The following COG7 variants were observed in gnomAD, a reference collection of about 807,000 sequenced individuals.
The protein encoded by COG7 is component of oligomeric golgi complex 7.
A neutral mutation model predicts 91.5 loss-of-function variants in COG7; 49 were observed. The observed-to-expected ratio is 0.54, with a 90% CI of 0.43 to 0.68. The LOEUF (loss-of-function observed/expected upper bound fraction) is 0.68, where lower values mean the gene tolerates loss of function less well. Ranked by LOEUF, COG7 falls within the 30% of genes least tolerant of loss-of-function variation. COG7 has a pLI of 0.00. For synonymous variants in COG7, 365 were observed against 388.7 expected, an observed-to-expected ratio of 0.94 and a Z score of 0.72; for missense variants, 895 against 961.3, an observed-to-expected ratio of 0.93 and a Z score of 0.91.
chr16:23,450,271 C>A (rs1964245725), intron 1 of COG7, among the ~76,000 whole-genome samples: 1 of 152,068 alleles, frequency 6.6e-6, no homozygotes, highest in African/African-American at 2.4e-5. Context: ...GTCCTTTCCT[C>A]TTTGCCCTAC....
At chr16:23,410,730 A>G (rs1449703925) in intron 10 of COG7, among the ~76,000 whole-genome samples, 1 of 152,062 alleles carries the variant, frequency 6.6e-6, no homozygotes, top group African/African-American at 2.4e-5. Flanking sequence ...TTTTGCAACT[A>G]AGTCTCGCTC....
Position 23,403,679 on chromosome 16 carries a change from C to A in COG7, c.1803+15G>T. 3.7e-6 allele frequency: 6 copies of A among 1,613,790 alleles called. No homozygotes were observed. The highest frequency in any genetic ancestry group is 3.3e-5 in the South Asian group (3 of 91,002). On this transcript the variant is annotated intron_variant, in intron 13 of 16. Transcript: ENST00000307149. ...AGGACCCGGGAAAAATTGATGTGGT[C>A]AGTGAGAAACTCACGTCCATCTTCG...
In COG7 at chr16:23,452,834, G is replaced by A. The variant is rs1964287835; in HGVS notation, c.161C>T (p.Ala54Val). Residue 54 changes from alanine (A) to valine (V), a missense_variant, in exon 1 of 17, where the codon GCC becomes GTC. Coordinates refer to ENST00000307149, the MANE Select transcript of COG7 (RefSeq NM_153603.4). ...LQLFIQEVNH[A>V]VEETSHQALQ... ...GGCCCCGAGCGGCTCACCCTCCACG[G>A]CGTGGTTCACCTCTTGGATGAACAG... 6.2e-7 allele frequency: 1 copy of A among 1,612,538 alleles called. No homozygotes were observed. Among genetic ancestry groups the A allele is most frequent in the East Asian group, 2.2e-5 (1 of 44,818 alleles).
Position 23,418,711 on chromosome 16 carries a change from C to G in COG7, c.1126G>C (p.Ala376Pro), listed in dbSNP as rs771031254. 6.2e-7 allele frequency: 1 copy of G among 1,613,704 alleles called. No homozygotes were observed. The highest frequency in any genetic ancestry group is 1.1e-5 in the South Asian group (1 of 91,060). Residue 376 changes from alanine (A) to proline (P), a missense_variant, in exon 8 of 17, where the codon GCT becomes CCT. Physicochemically the swap from Ala to Pro is conservative, Grantham distance 27. Transcript: ENST00000307149. ...EESNLLIQMS[A>P]VPLEHGEVID... is the part of the protein sequence containing the mutation. ...CACTGCGACTTTACCAGAGGCACAGCACTCATCTGGATGAGGAGGTTGCTC... is the reference window on the plus strand; with the variant it reads ...CACTGCGACTTTACCAGAGGCACAGGACTCATCTGGATGAGGAGGTTGCTC...
At chr16:23,413,307 T>G in intron 10 of COG7, 141 bp downstream of exon 10, 1 of 722,326 alleles carries the variant, frequency 1.4e-6, no homozygotes, top group Middle Eastern at 2.7e-4. Context: ...GTTTAGAGTC[T>G]GGAGTATTTG....
At chr16:23,445,251 C>A in intron 2 of COG7, 87 bp from the exon 3 acceptor site, 2 of 929,638 alleles carry the variant, frequency 2.2e-6, no homozygotes, top group South Asian at 2.6e-5. Context: ...AGTATGGTGG[C>A]TTGCTTCTGT....
chr16:23,410,273 G>A (rs1192849805), intron 11 of COG7, 22 bp downstream of exon 11: 3 of 1,609,504 alleles, frequency 1.9e-6, no homozygotes, highest in African/African-American at 2.7e-5. Context: ...GGGTGTAGAG[G>A]ACAATGACTC....
intron 3 of COG7, 107 bp from the exon 4 acceptor site, chr16:23,442,752 G>A: frequency 9.9e-7 from 1 of 1,011,344 alleles, no homozygotes; most frequent in South Asian, 1.3e-5. Context: ...TGAAAATGGG[G>A]CTGGGCATCG....
chr16:23,438,678 G>GA (rs905234085), intron 4 of COG7, among the ~76,000 whole-genome samples: 38 of 151,848 alleles, frequency 2.5e-4, no homozygotes, highest in African/African-American at 8.0e-4. Context: ...TTAGAGGAAT[G>GA]AAAATCAAAA....
chr16:23,447,463 A>AGCCTC (rs1238851482), intron 1 of COG7, among the ~76,000 whole-genome samples: 3 of 151,700 alleles, frequency 2.0e-5, no homozygotes, highest in African/African-American at 7.3e-5. Context: ...CACCCACCTC[A>AGCCTC]GCCTCCCAAA....
At chr16:23,417,393 C>A in intron 8 of COG7, 1 of 486,198 alleles carries the variant, frequency 2.1e-6, no homozygotes, top group Non-Finnish European at 3.8e-6. Context: ...TCCTCTTTTT[C>A]TGTGATTATT....
At chr16:23,444,179 G>T (rs1288529745) in intron 3 of COG7, among the ~76,000 whole-genome samples, 1 of 151,756 alleles carries the variant, frequency 6.6e-6, no homozygotes, top group Non-Finnish European at 1.5e-5. Flanking sequence ...ACTAAGGTGG[G>T]GGTCAGGGTT....
chr16:23,422,179 G>T (rs1963769028), intron 7 of COG7, among the ~76,000 whole-genome samples: 1 of 152,024 alleles, frequency 6.6e-6, no homozygotes, highest in Admixed American at 6.6e-5. Flanking sequence ...AGCCTTGGTG[G>T]CATGTGCCCG....
intron 13 of COG7, among the ~76,000 whole-genome samples, chr16:23,398,924 T>C (rs2142062481): frequency 6.6e-6 from 1 of 152,348 alleles, no homozygotes; most frequent in Admixed American, 6.5e-5. Context: ...GTAAAGGACC[T>C]GTGCACATGT....
At chr16:23,448,002 T>A (rs1433516072) in intron 1 of COG7, among the ~76,000 whole-genome samples, 1 of 152,152 alleles carries the variant, frequency 6.6e-6, no homozygotes, top group Non-Finnish European at 1.5e-5. Context: ...AACAGTGTAT[T>A]TTTAGAACCT....
At chr16:23,442,678 T>G in intron 3 of COG7, 33 bp from the exon 4 acceptor site, 3 of 1,576,784 alleles carry the variant, frequency 1.9e-6, no homozygotes, top group Non-Finnish European at 2.6e-6. Context: ...ATATTTATTT[T>G]AAATGATCCC....
Position 23,442,607 on chromosome 16 carries a change from C to T in COG7, c.474G>A (p.Gln158=). 6.2e-7 allele frequency: 1 copy of T among 1,614,084 alleles called. No homozygotes were observed. The highest frequency in any genetic ancestry group is 8.5e-7 in the Non-Finnish European group (1 of 1,179,930). The change falls in exon 4 of 17, where the codon CAG becomes CAA. Residue 158 remains glutamine (Q), a synonymous_variant. Coordinates refer to ENST00000307149, the MANE Select transcript of COG7 (RefSeq NM_153603.4). ...TATCAACAAGCATCATTAAGCTGTT[C>T]TGCATACCTGTTAGCTTGGCAGAAA... ...AVISAKLTGM[Q]NSLMMLVDTP... is the part of the protein sequence containing the mutation.
At chr16:23,447,992 A>G (rs774026939) in intron 1 of COG7, among the ~76,000 whole-genome samples, 8 of 152,168 alleles carry the variant, frequency 5.3e-5, no homozygotes, top group Non-Finnish European at 1.0e-4. Flanking sequence ...GGTCTTGTTC[A>G]ACAGTGTATT....
In COG7 at chr16:23,403,656, G is replaced by A. The variant is rs781164290; in HGVS notation, c.1803+38C>T. ...CTCAGTATGCTTGAGTTGGAGGCAG[G>A]ACCCGGGAAAAATTGATGTGGTCAG... On this transcript the variant is annotated intron_variant, in intron 13 of 16. Transcript: ENST00000307149. 8.7e-6 allele frequency: 14 copies of A among 1,612,968 alleles called. No individual in the cohort carries two copies. The East Asian group carries it at 1.6e-4, about 18-fold the overall frequency.
Sources: allele counts gnomAD v4.1 joint callset (sites outside exome capture counted in the v4.1 genomes callset), GRCh38; gene constraint gnomAD v4.1.1; transcripts MANE v1.5; gene names NCBI Gene and HGNC (gene_info 2026-07-23, HGNC 2026-07-21).